Variants in MYO5A observed in about 807,000 individuals in gnomAD.
The protein encoded by MYO5A is unconventional myosin-Va.
Under a neutral mutation model 249.7 loss-of-function variants are expected in MYO5A, and 98 were observed. The ratio of observed to expected loss-of-function variants is 0.39; its 90% CI spans 0.33 to 0.46. The LOEUF (loss-of-function observed/expected upper bound fraction) is 0.46. Ranked by LOEUF, MYO5A falls within the 20% of genes least tolerant of loss-of-function variation. The pLI, the probability that MYO5A is intolerant of heterozygous loss-of-function variation, is 0.98. For synonymous variants in MYO5A, 778 were observed against 810.6 expected (o/e 0.96, Z 0.68); for missense variants, 1,696 against 2,308.8 (o/e 0.73, Z 5.44).
In MYO5A at chr15:52,323,248, A is replaced by G. The variant is rs979122758; in HGVS notation, c.4800+107T>C. On this transcript the variant is annotated intron_variant, in intron 37 of 41. Coordinates refer to ENST00000399233, the MANE Select transcript of MYO5A (RefSeq NM_001382347.1). ...GCAAGAACTTCCAAGCCACCTCTGA[A>G]TTTGGGTTCCTAAATAAATGGTTAA... 4 of 933,360 alleles carry G rather than the reference A, an allele frequency of 4.3e-6. No individual in the cohort carries two copies. The African/African-American group carries it at 4.9e-5, about 11-fold the overall frequency. The allele number at this position is 933,360 out of a possible 1,614,324, so 57.8% of individuals were successfully genotyped here.
At chr15:52,362,586 G>A (rs2040587795) in intron 24 of MYO5A, among the ~76,000 whole-genome samples, 1 of 152,162 alleles carries the variant, frequency 6.6e-6, no homozygotes, top group Admixed American at 6.6e-5. Context: ...CCCTTCCTCT[G>A]CTTTCTCCTT....
In MYO5A at chr15:52,319,290, G is replaced by A; in HGVS notation, c.5004C>T (p.Pro1668=). Residue 1668 remains proline (P), a synonymous_variant, in exon 39 of 42, where the codon CCC becomes CCT. Coordinates refer to ENST00000399233, the MANE Select transcript of MYO5A (RefSeq NM_001382347.1). ...TGGAGGTTCGCTTTCTCAACCCTGT[G>A]GGCTTCACCCCAGACACGCCCTGAA... ...ETIQGVSGVK[P]TGLRKRTSSI... 1.2e-6 allele frequency: 2 copies of A among 1,614,142 alleles called. No individual in the cohort carries two copies. The highest frequency in any genetic ancestry group is 1.7e-6 in the Non-Finnish European group (2 of 1,180,014).
chr15:52,514,242 C>G (rs28642806), intron 1 of MYO5A, among the ~76,000 whole-genome samples: 2,605 of 152,210 alleles, frequency 0.017, 47 homozygotes, highest in African/African-American at 0.048. Flanking sequence ...TAAATGTGAA[C>G]CATTGAATTA....
At chr15:52,389,118 G>A in intron 13 of MYO5A, 120 bp downstream of exon 13, 1 of 1,000,636 alleles carries the variant, frequency 1.0e-6, no homozygotes, top group Non-Finnish European at 1.5e-6. Context: ...GAAGACTGCT[G>A]TCCCTTGAGC....
chr15:52,453,402 C>G (rs2076058094), intron 1 of MYO5A, among the ~76,000 whole-genome samples: 1 of 152,050 alleles, frequency 6.6e-6, no homozygotes, highest in Admixed American at 6.6e-5. Flanking sequence ...GAATTCACCA[C>G]CACCAGACCT....
chr15:52,413,969 T>A (rs2043361078), intron 5 of MYO5A, among the ~76,000 whole-genome samples: 1 of 152,160 alleles, frequency 6.6e-6, no homozygotes, highest in African/African-American at 2.4e-5. Flanking sequence ...ATATAACGTG[T>A]CCCCACCAAA....
intron 24 of MYO5A, among the ~76,000 whole-genome samples, 188 bp from the exon 25 acceptor site, chr15:52,360,269 T>C (rs1216096403): frequency 1.3e-5 from 2 of 152,240 alleles, no homozygotes; most frequent in Non-Finnish European, 2.9e-5. Context: ...AAAGGTACAC[T>C]GGCATGACAG....
chr15:52,375,548 T>C, intron 19 of MYO5A, 88 bp from the exon 20 acceptor site: 2 of 1,406,512 alleles, frequency 1.4e-6, no homozygotes, highest in Non-Finnish European at 2.0e-6. Flanking sequence ...TGTCACTGTT[T>C]TAGGCATAAA....
intron 1 of MYO5A, among the ~76,000 whole-genome samples, chr15:52,445,904 T>C (rs560586786): frequency 1.3e-5 from 2 of 152,156 alleles, no homozygotes; most frequent in East Asian, 3.9e-4. Flanking sequence ...TACACTCAGG[T>C]ACAGGAGCAA....
chr15:52,403,823 G>C (rs1463244738), intron 9 of MYO5A, among the ~76,000 whole-genome samples: 1 of 152,142 alleles, frequency 6.6e-6, no homozygotes, highest in Non-Finnish European at 1.5e-5. Context: ...GCTGGGGGAG[G>C]GGAGGAGGAA....
chr15:52,384,093 G>A lies in MYO5A; in HGVS notation c.1914+68C>T, dbSNP rs909297753. ...AGGATCCCACCTGGGAGGCTGAAGA[G>A]GGAAGATCTGAGGTTTCAGATGAGC... On this transcript the variant is annotated intron_variant, in intron 15 of 41. Transcript: ENST00000399233. 3.1e-6 allele frequency: 5 copies of A among 1,593,876 alleles called. No individual in the cohort carries two copies. In the Admixed American group the frequency reaches 5.0e-5, roughly 16 times the overall value.
chr15:52,417,851 T>G (rs1378538579), intron 4 of MYO5A, among the ~76,000 whole-genome samples: 1 of 152,180 alleles, frequency 6.6e-6, no homozygotes, highest in Non-Finnish European at 1.5e-5. Context: ...CAAATAAACT[T>G]CTGCTCTTTA....
intron 1 of MYO5A, among the ~76,000 whole-genome samples, chr15:52,434,411 A>G (rs186420648): frequency 1.6e-4 from 25 of 152,310 alleles, no homozygotes; most frequent in Admixed American, 1.3e-3. Context: ...AATAAAAATA[A>G]CAGATTTTTT....
At chr15:52,465,385 T>A (rs1009461577) in intron 1 of MYO5A, among the ~76,000 whole-genome samples, 1 of 151,876 alleles carries the variant, frequency 6.6e-6, no homozygotes, top group Non-Finnish European at 1.5e-5. Context: ...TTTTATAATT[T>A]TGAAAGAATG....
At position 52,376,545 on chromosome 15, in the gene MYO5A, T is replaced by C; in HGVS notation, c.2222A>G (p.Tyr741Cys). 3 of 1,614,100 alleles carry C rather than the reference T, an allele frequency of 1.9e-6. No homozygotes were observed. The highest frequency in any genetic ancestry group is 2.5e-6 in the Non-Finnish European group (3 of 1,179,958). ...AAAGATCTTTGTCTTACCAAACTGG[T>C]ATTTGTCCTTGTCCTATTTTTGGAA... is the stretch of plus-strand genomic sequence containing the variant. ...LEKLILDKDKYQFGKTKIFFR... is the reference protein window; with the variant it reads ...LEKLILDKDKCQFGKTKIFFR... The change falls in exon 19 of 42, where the codon TAC becomes TGC. Residue 741 changes from tyrosine to cysteine, a missense_variant. Physicochemically the swap from Tyr to Cys is radical, Grantham distance 194 (BLOSUM62 -2). Transcript: ENST00000399233.
At chr15:52,476,677 T>G (rs2076602076) in intron 1 of MYO5A, among the ~76,000 whole-genome samples, 1 of 152,212 alleles carries the variant, frequency 6.6e-6, no homozygotes, top group Non-Finnish European at 1.5e-5. Context: ...GATATGAAAT[T>G]CTAGCTTGAA....
chr15:52,336,165 T>A (rs2039108414), intron 34 of MYO5A, among the ~76,000 whole-genome samples: 1 of 152,218 alleles, frequency 6.6e-6, no homozygotes, highest in South Asian at 2.1e-4. Flanking sequence ...GACTCCAGAA[T>A]CCACATTCTT....
At chr15:52,477,105 T>A (rs1263573620) in intron 1 of MYO5A, among the ~76,000 whole-genome samples, 1 of 152,202 alleles carries the variant, frequency 6.6e-6, no homozygotes. Context: ...TTACTCTTTT[T>A]TCTCTAAACT....
chr15:52,406,963 T>C (rs1179137577), intron 8 of MYO5A, among the ~76,000 whole-genome samples: 1 of 152,202 alleles, frequency 6.6e-6, no homozygotes, highest in African/African-American at 2.4e-5. Context: ...AAGCAAAGAA[T>C]TACAAGTAGC....
Sources: allele counts gnomAD v4.1 joint callset (sites outside exome capture counted in the v4.1 genomes callset), GRCh38; gene constraint gnomAD v4.1.1; transcripts MANE v1.5; gene names NCBI Gene and HGNC (gene_info 2026-07-23, HGNC 2026-07-21).